Variants in NPAS3 observed in about 807,000 individuals in gnomAD.
The protein encoded by NPAS3 is neuronal PAS domain-containing protein 3.
In NPAS3, 14 loss-of-function variants were observed where a neutral mutation model predicts 73.1. The ratio of observed to expected loss-of-function variants is 0.19; its 90% CI spans 0.13 to 0.30. The LOEUF is 0.30. Ranked by LOEUF, NPAS3 falls within the 10% of genes least tolerant of loss-of-function variation. NPAS3 has a pLI of 1.00. For synonymous variants in NPAS3, 620 were observed against 541.5 expected, an observed-to-expected ratio of 1.14 and a Z score of -2.01; for missense variants, 1,096 against 1,250.0, an observed-to-expected ratio of 0.88 and a Z score of 1.86.
At chr14:33,731,345 G>C (rs548138104) in intron 6 of NPAS3, among the ~76,000 whole-genome samples, 100 of 150,758 alleles carry the variant, frequency 6.6e-4, no homozygotes, top group African/African-American at 2.3e-3. Flanking sequence ...CCTGAGTCCA[G>C]GAGTTTGAGG....
intron 7 of NPAS3, among the ~76,000 whole-genome samples, chr14:33,747,914 A>T (rs2061852693): frequency 6.6e-6 from 1 of 152,110 alleles, no homozygotes; most frequent in South Asian, 2.1e-4. Context: ...TCTACAATAT[A>T]TCAAGTGTTC....
At chr14:33,569,513 A>G (rs2056111464) in intron 5 of NPAS3, among the ~76,000 whole-genome samples, 1 of 152,114 alleles carries the variant, frequency 6.6e-6, no homozygotes, top group African/African-American at 2.4e-5. Flanking sequence ...TTGGAGAAGC[A>G]AGCTTTATAT....
At chr14:32,986,803 T>A (rs191326366) in intron 1 of NPAS3, among the ~76,000 whole-genome samples, 1 of 152,302 alleles carries the variant, frequency 6.6e-6, no homozygotes, top group African/African-American at 2.4e-5. Context: ...TAGCTAAGGA[T>A]GGATATGATT....
chr14:33,264,517 CTGTGA>C (rs1486663300), intron 3 of NPAS3, among the ~76,000 whole-genome samples: 1 of 151,952 alleles, frequency 6.6e-6, no homozygotes, highest in African/African-American at 2.4e-5. Flanking sequence ...ATATTATGTA[CTGTGA>C]TGTTATTTAG....
chr14:33,326,338 A>G (rs957208052), intron 3 of NPAS3, among the ~76,000 whole-genome samples: 3 of 152,222 alleles, frequency 2.0e-5, no homozygotes, highest in Non-Finnish European at 4.4e-5. Context: ...GAGAATGCAG[A>G]AAGAAATAGA....
intron 1 of NPAS3, among the ~76,000 whole-genome samples, chr14:32,955,713 G>A (rs1048372935): frequency 1.1e-4 from 17 of 152,026 alleles, no homozygotes; most frequent in Non-Finnish European, 2.2e-4. Flanking sequence ...GAAAATGAAG[G>A]AATAAATGAA....
chr14:33,711,323 C>T (rs2060812360), intron 6 of NPAS3, among the ~76,000 whole-genome samples: 2 of 152,194 alleles, frequency 1.3e-5, no homozygotes, highest in African/African-American at 2.4e-5. Context: ...AACTGGCGGA[C>T]GAGTGTTGTC....
chr14:33,544,815 T>TAAA lies in NPAS3; in HGVS notation c.469-15305_469-15304insAAA, dbSNP rs1333941650. Among the ~76,000 whole-genome samples, 2 of 105,578 alleles carry TAAA rather than the reference T, an allele frequency of 1.9e-5. 1 individual carries two copies. Among genetic ancestry groups the TAAA allele is most frequent in the African/African-American group, 1.0e-4 (2 of 19,772 alleles). The allele number at this position is 105,578 out of a possible 152,430, so 69.3% of individuals were successfully genotyped here. On this transcript the variant is annotated intron_variant, in intron 4 of 11. Coordinates refer to ENST00000356141, the Ensembl canonical transcript of NPAS3. ...ATATATATATATATATATATATGTATATATAATATATATGTGTATATATAT... is the reference window on the plus strand; with the variant it reads ...ATATATATATATATATATATATGTATAAAATATAATATATATGTGTATATATAT...
At chr14:32,964,535 A>G (rs1196084239) in intron 1 of NPAS3, among the ~76,000 whole-genome samples, 1 of 151,554 alleles carries the variant, frequency 6.6e-6, no homozygotes, top group Non-Finnish European at 1.5e-5. Flanking sequence ...AGAAAGAAAT[A>G]TATTAATGAA....
intron 5 of NPAS3, among the ~76,000 whole-genome samples, chr14:33,617,904 T>C (rs192760192): frequency 4.6e-5 from 7 of 151,390 alleles, no homozygotes; most frequent in African/African-American, 1.7e-4. Context: ...ACTGAGCAGT[T>C]AAAGAAAAAA....
intron 4 of NPAS3, among the ~76,000 whole-genome samples, chr14:33,531,261 A>G (rs1342521955): frequency 3.3e-5 from 5 of 152,042 alleles, no homozygotes; most frequent in Non-Finnish European, 2.9e-5. Flanking sequence ...CAATTTTATA[A>G]ATTTTAACGT....
chr14:33,260,635 C>G (rs147820164), intron 3 of NPAS3, among the ~76,000 whole-genome samples: 173 of 152,238 alleles, frequency 1.1e-3, no homozygotes, highest in African/African-American at 3.9e-3. Flanking sequence ...TTTTTATCTA[C>G]ACTATATTTC....
At chr14:33,180,851 T>C (rs549044503) in intron 2 of NPAS3, among the ~76,000 whole-genome samples, 1 of 151,044 alleles carries the variant, frequency 6.6e-6, no homozygotes, top group African/African-American at 2.4e-5. Flanking sequence ...GTGAAATGTT[T>C]TATGGAATTC....
chr14:33,584,087 T>C (rs1172948171), intron 5 of NPAS3, among the ~76,000 whole-genome samples: 1 of 152,192 alleles, frequency 6.6e-6, no homozygotes, highest in East Asian at 1.9e-4. Context: ...AGAAATCACA[T>C]GTATTTTCAT....
intron 4 of NPAS3, among the ~76,000 whole-genome samples, chr14:33,515,003 A>G (rs1200769613): frequency 1.3e-5 from 2 of 152,120 alleles, no homozygotes; most frequent in African/African-American, 4.8e-5. Flanking sequence ...TATGGAAGAA[A>G]CTGAGGCACA....
At chr14:33,529,055 C>T (rs1345148434) in intron 4 of NPAS3, among the ~76,000 whole-genome samples, 1 of 152,116 alleles carries the variant, frequency 6.6e-6, no homozygotes, top group African/African-American at 2.4e-5. Flanking sequence ...TAGAACAACA[C>T]AGCTAAACAA....
At chr14:33,504,210 T>C (rs1415006591) in intron 4 of NPAS3, among the ~76,000 whole-genome samples, 1 of 152,000 alleles carries the variant, frequency 6.6e-6, no homozygotes, top group Non-Finnish European at 1.5e-5. Context: ...GACCCAATTA[T>C]ATGTAGCATG....
intron 5 of NPAS3, among the ~76,000 whole-genome samples, chr14:33,566,273 C>T (rs956335651): frequency 4.0e-5 from 6 of 151,508 alleles, no homozygotes; most frequent in Non-Finnish European, 5.9e-5. Flanking sequence ...TGCATGCTGT[C>T]CGAGTGCTTG....
At chr14:33,308,510 T>TTATATATA (rs67518761) in intron 3 of NPAS3, among the ~76,000 whole-genome samples, 911 of 83,240 alleles carry the variant, frequency 0.011, 23 homozygotes, top group African/African-American at 0.052. Context: ...ATTGCATAGT[T>TTATATATA]TATATATATA....
Sources: gnomAD v4.1 joint callset for allele counts (sites outside exome capture counted in the v4.1 genomes callset) on GRCh38, gnomAD v4.1.1 for gene constraint, MANE v1.5 for transcripts, NCBI Gene and HGNC (gene_info 2026-07-23, HGNC 2026-07-21) for gene names.